CFAP20DC: variants seen among roughly 807,000 people sequenced by gnomAD.
The protein encoded by CFAP20DC is protein CFAP20DC.
In CFAP20DC, 84 loss-of-function variants were observed where a neutral mutation model predicts 101.7. The observed-to-expected ratio is 0.83, with a 90% confidence interval of 0.69 to 0.99. The LOEUF is 0.99. CFAP20DC is among the 50% of genes least tolerant of loss of function. The pLI is 0.00. For synonymous variants in CFAP20DC, 359 were observed against 351.2 expected, an observed-to-expected ratio of 1.02 and a Z score of -0.25; for missense variants, 1,007 against 970.3, an observed-to-expected ratio of 1.04 and a Z score of -0.50.
rs2067905499 is a variant in CFAP20DC, at chr3:58,742,057, A to T, written c.*403T>A. The T allele has an allele frequency of 1.0e-6, 1 of 967,784 alleles. No homozygotes were observed. The highest frequency in any genetic ancestry group is 1.2e-6 in the Non-Finnish European group (1 of 813,360). 59.9% of individuals were successfully genotyped at this position (967,784 alleles called of 1,614,324 possible). On this transcript the variant is annotated 3_prime_UTR_variant, in exon 17 of 17. Transcript: ENST00000482387. ...TTTAATACAAATGCCATAAAATAAA[A>T]GGTACCCAGGCATCTTTTAAGCAAA...
chr3:58,992,874 A>T (rs1345720342), intron 4 of CFAP20DC, among the ~76,000 whole-genome samples: 1 of 152,102 alleles, frequency 6.6e-6, no homozygotes, highest in Non-Finnish European at 1.5e-5. Flanking sequence ...TTTTAAAATA[A>T]AATACATACT....
At chr3:58,786,230 T>G (rs1163781109) in intron 15 of CFAP20DC, among the ~76,000 whole-genome samples, 3 of 152,156 alleles carry the variant, frequency 2.0e-5, no homozygotes, top group Non-Finnish European at 4.4e-5. Flanking sequence ...GGTGATATCT[T>G]TGAAAACATT....
chr3:58,734,601 A>G (rs1361807124), intron 3 of CFAP20DC: 1 of 456,464 alleles, frequency 2.2e-6, no homozygotes. Flanking sequence ...CTCACTTCAC[A>G]AATGGATGTC....
At chr3:58,968,603 T>C (rs1436025513) in intron 4 of CFAP20DC, among the ~76,000 whole-genome samples, 3 of 152,178 alleles carry the variant, frequency 2.0e-5, no homozygotes, top group Admixed American at 6.5e-5. Context: ...ATATTCTGGA[T>C]ATAAGACCTT....
intron 7 of CFAP20DC, among the ~76,000 whole-genome samples, chr3:58,879,111 C>T (rs1273314605): frequency 6.6e-6 from 1 of 152,068 alleles, no homozygotes; most frequent in Non-Finnish European, 1.5e-5. Context: ...TCAGTTCCCT[C>T]ATCTACAAAA....
In CFAP20DC at chr3:58,864,709, A is replaced by G. The variant is rs543947275; in HGVS notation, c.1259-817T>C. Among the ~76,000 whole-genome samples the G allele has an allele frequency of 3.9e-5, 6 of 152,322 alleles. 1 individual carries two copies. The South Asian group carries it at 1.2e-3, about 32-fold the overall frequency. On this transcript the variant is annotated intron_variant, in intron 11 of 16. Coordinates refer to ENST00000482387, the MANE Select transcript of CFAP20DC (RefSeq NM_001394063.1). The surrounding 1 kb of genome is among the most constrained non-coding windows in gnomAD (Gnocchi z 4.7). ...TTGGCAGTCATTTCCTCTCTATTCT[A>G]CTGATTCAAACAGGACAATTCACAG...
At chr3:58,928,164 C>T (rs929009122) in intron 5 of CFAP20DC, among the ~76,000 whole-genome samples, 5 of 152,112 alleles carry the variant, frequency 3.3e-5, no homozygotes, top group African/African-American at 9.7e-5. Context: ...GGAGATGATA[C>T]ACTTGTAGTC....
Position 58,728,418 on chromosome 3 carries a change from T to C in CFAP20DC, c.198-10790A>G, listed in dbSNP as rs895986847. ...GATTTATGCCAAAGACTAAAGAATT[T>C]TGATGTTTGTGTTATTCAGACCTTT... On this transcript the variant is annotated intron_variant, in intron 3 of 3. Coordinates refer to the CFAP20DC transcript ENST00000486145. This position sits in a 1 kb window ranked among gnomAD's most constrained non-coding sequence, Gnocchi z 4.7. Among the ~76,000 whole-genome samples, 1 of 152,220 alleles carries C rather than the reference T, an allele frequency of 6.6e-6. No homozygotes were observed. The highest frequency in any genetic ancestry group is 1.5e-5 in the Non-Finnish European group (1 of 68,042).
At chr3:58,831,124 G>A (rs908277310) in intron 14 of CFAP20DC, among the ~76,000 whole-genome samples, 14 of 152,194 alleles carry the variant, frequency 9.2e-5, no homozygotes, top group Non-Finnish European at 2.1e-4. Context: ...GCCATAGTGA[G>A]GGCAATGGGC....
At chr3:58,779,982 T>C (rs914258844) in intron 15 of CFAP20DC, among the ~76,000 whole-genome samples, 1 of 152,120 alleles carries the variant, frequency 6.6e-6, no homozygotes, top group Non-Finnish European at 1.5e-5. Context: ...TAGTCATTTA[T>C]AAGGGAACCC....
chr3:58,746,040 A>T (rs1340311587), intron 16 of CFAP20DC, among the ~76,000 whole-genome samples: 1 of 152,194 alleles, frequency 6.6e-6, no homozygotes, highest in African/African-American at 2.4e-5. Context: ...AGGGTTATGT[A>T]CGTTTATACC....
chr3:59,011,649 G>A (rs935815269), intron 4 of CFAP20DC, among the ~76,000 whole-genome samples: 53 of 152,050 alleles, frequency 3.5e-4, no homozygotes, highest in African/African-American at 8.9e-4. Context: ...AAAAAAATAC[G>A]AAAGATAAGT....
chr3:58,716,596 C>A (rs1472714191), downstream of CFAP20DC, among the ~76,000 whole-genome samples: 5 of 152,152 alleles, frequency 3.3e-5, no homozygotes, highest in Non-Finnish European at 7.3e-5. Flanking sequence ...ACATGGAGAG[C>A]ATCTGTAAAT....
chr3:58,970,580 T>C (rs1272855246), intron 4 of CFAP20DC: 2 of 152,156 alleles, frequency 1.3e-5, no homozygotes, highest in East Asian at 1.9e-4. Flanking sequence ...TAAATATACA[T>C]TGTTTTAAGC....
chr3:58,853,163 T>A (rs1189195440), intron 12 of CFAP20DC, among the ~76,000 whole-genome samples: 1 of 152,000 alleles, frequency 6.6e-6, no homozygotes, highest in Non-Finnish European at 1.5e-5. Context: ...TCACCACTGA[T>A]CCCACAGAAA....
chr3:58,752,294 G>T (rs111285491), intron 16 of CFAP20DC, among the ~76,000 whole-genome samples: 3 of 152,178 alleles, frequency 2.0e-5, no homozygotes, highest in African/African-American at 7.2e-5. Flanking sequence ...TAAGAAAAGG[G>T]CCAGGGGACA....
chr3:58,976,738 T>C (rs2092295573), intron 4 of CFAP20DC, among the ~76,000 whole-genome samples: 1 of 152,182 alleles, frequency 6.6e-6, no homozygotes, highest in African/African-American at 2.4e-5. Context: ...GTTTTCTCTG[T>C]GCACTCTGGT....
rs1265562372 is a variant in CFAP20DC, at chr3:58,899,638, T to C, written c.550+14070A>G. Among the ~76,000 whole-genome samples the C allele has an allele frequency of 6.6e-6, 1 of 152,136 alleles. No individual in the cohort carries two copies. The highest frequency in any genetic ancestry group is 1.5e-5 in the Non-Finnish European group (1 of 68,016). ...ATGCGCTTATGAGGGGATCTCCTAA[T>C]CTGCTGGTTGCAAAGATCCGTGGGA... is the stretch of plus-strand genomic sequence containing the variant. On this transcript the variant is annotated intron_variant, in intron 6 of 16. Transcript: ENST00000482387. This position sits in a 1 kb window ranked among gnomAD's most constrained non-coding sequence, Gnocchi z 5.0.
At chr3:58,829,143 C>A (rs961626589) in intron 14 of CFAP20DC, among the ~76,000 whole-genome samples, 18 of 151,838 alleles carry the variant, frequency 1.2e-4, no homozygotes, top group Admixed American at 1.1e-3. Flanking sequence ...ACCAGCCTGG[C>A]CAACATGGTG....
Sources: gnomAD v4.1 joint callset for allele counts (sites outside exome capture counted in the v4.1 genomes callset) on GRCh38, gnomAD v4.1.1 for gene constraint, Gnocchi (gnomAD v3.1) non-coding constraint, MANE v1.5 for transcripts, NCBI Gene and HGNC (gene_info 2026-07-23, HGNC 2026-07-21) for gene names.